ZNF282: variants seen among roughly 807,000 people sequenced by gnomAD.
ZNF282 encodes zinc finger protein 282, also known as HTLV-I U5 repressive element-binding protein 1.
ZNF282 carries 30 observed loss-of-function variants against 61.9 expected under a neutral mutation model. The ratio of observed to expected loss-of-function variants is 0.48; its 90% CI spans 0.36 to 0.66. The LOEUF (loss-of-function observed/expected upper bound fraction) is 0.66, where lower values mean the gene tolerates loss of function less well. Among genes scored for constraint, ZNF282 ranks in the 30% least tolerant of loss-of-function variants. ZNF282 has a pLI of 0.00. For missense variants in ZNF282, 788 were observed against 941.4 expected (o/e 0.84, Z 2.13); for synonymous variants, 396 against 405.0 (o/e 0.98, Z 0.27).
chr7:149,219,865 C>T (rs1367334186), intron 7 of ZNF282, among the ~76,000 whole-genome samples: 4 of 151,726 alleles, frequency 2.6e-5, no homozygotes, highest in African/African-American at 9.7e-5. Flanking sequence ...AAAAGTTTTT[C>T]AGTGGAATGG....
In ZNF282 at chr7:149,207,418, G is replaced by A; in HGVS notation, c.780G>A (p.Val260=). The change falls in exon 4 of 8, where the codon GTG becomes GTA. Residue 260 remains valine, a synonymous_variant. Transcript: ENST00000610704. ...CTGAGCCCAGGGAAGAACCTTGTGT[G>A]TGGGAGCAGCGCCACCCCGAAGAGA... ...VQAEPREEPC[V]WEQRHPEERE... 6.4e-7 allele frequency: 1 copy of A among 1,573,068 alleles called. No homozygotes were observed. The highest frequency in any genetic ancestry group is 8.6e-7 in the Non-Finnish European group (1 of 1,157,770).
At chr7:149,199,142 AC>A (rs1795870113) in intron 2 of ZNF282, among the ~76,000 whole-genome samples, 1 of 152,076 alleles carries the variant, frequency 6.6e-6, no homozygotes, top group East Asian at 1.9e-4. Flanking sequence ...CGCACCTCAA[AC>A]CAGGCTGCCT....
intron 2 of ZNF282, among the ~76,000 whole-genome samples, chr7:149,204,813 CAG>C (rs1795967875): frequency 6.6e-6 from 1 of 152,110 alleles, no homozygotes; most frequent in Non-Finnish European, 1.5e-5. Flanking sequence ...GTTCTAGTAA[CAG>C]AGAATTAAAA....
At position 149,223,928 on chromosome 7, in the gene ZNF282, A is replaced by C. The variant is rs1796307898; in HGVS notation, c.1297A>C (p.Ile433Leu). Residue 433 changes from isoleucine to leucine, a missense_variant, in exon 8 of 8, where the codon ATC becomes CTC. Physicochemically the swap from Ile to Leu is conservative, Grantham distance 5 (BLOSUM62 2). Around this residue, in one of 3 missense-constraint regions of ZNF282, gnomAD observed 559 missense variants for 642.0 expected, o/e 0.87. Transcript: ENST00000610704. ...SQPQPQSLPPIAVAENPGGPP... is the reference protein window; with the variant it reads ...SQPQPQSLPPLAVAENPGGPP... ...GCCCCAGCCCCAGAGCCTGCCCCCC[A>C]TCGCGGTGGCCGAGAACCCGGGCGG... 6.0e-6 allele frequency: 8 copies of C among 1,322,462 alleles called. No homozygotes were observed. The highest frequency in any genetic ancestry group is 4.0e-5 in the Admixed American group (1 of 25,170). 81.9% of individuals were successfully genotyped at this position (1,322,462 alleles called of 1,614,324 possible).
rs911772364 is a variant in ZNF282, at chr7:149,212,619, T to C, written c.1066+148T>C. Reference sequence around the variant, plus strand: ...TCTTTGAGACGGAGTCTTGCTCTGTTGTTCAGGCTGGAGTGCAGTGGTGTG... The same window carrying C: ...TCTTTGAGACGGAGTCTTGCTCTGTCGTTCAGGCTGGAGTGCAGTGGTGTG... On this transcript the variant is annotated intron_variant, in intron 6 of 7. Coordinates refer to ENST00000610704, the MANE Select transcript of ZNF282 (RefSeq NM_003575.4). 5 of 654,958 alleles carry C rather than the reference T, an allele frequency of 7.6e-6. No homozygotes were observed. The African/African-American group carries it at 9.2e-5, about 12-fold the overall frequency. 40.6% of individuals were successfully genotyped at this position (654,958 alleles called of 1,614,324 possible).
intron 1 of ZNF282, among the ~76,000 whole-genome samples, chr7:149,196,118 TCGCGGGCAGTGCTTC>T (rs1795812814): frequency 2.6e-5 from 4 of 152,078 alleles, no homozygotes; most frequent in Admixed American, 2.6e-4. Context: ...GCGGAGAGCT[TCGCGGGCAGTGCTTC>T]CGCCCGGCCG....
Position 149,224,764 on chromosome 7 carries a change from C to T in ZNF282, c.*117C>T, listed in dbSNP as rs1302749389. 2.8e-6 allele frequency: 4 copies of T among 1,417,460 alleles called. No individual in the cohort carries two copies. Among genetic ancestry groups the T allele is most frequent in the Non-Finnish European group, 2.8e-6 (3 of 1,084,150 alleles). 87.8% of individuals were successfully genotyped at this position (1,417,460 alleles called of 1,614,324 possible). Reference sequence around the variant, plus strand: ...GAAATCGGCAACAGGCATTGCACTCCGGTTGGGGGTCCCCCAGGGTGGGGC... The same window carrying T: ...GAAATCGGCAACAGGCATTGCACTCTGGTTGGGGGTCCCCCAGGGTGGGGC... On this transcript the variant is annotated 3_prime_UTR_variant, in exon 8 of 8. Coordinates refer to ENST00000610704, the MANE Select transcript of ZNF282 (RefSeq NM_003575.4).
In ZNF282 at chr7:149,223,881, C is replaced by CGCAGCCGCAGCT. The variant is rs1237578920; in HGVS notation, c.1255_1266dup (p.Pro419_Gln422dup). The CGCAGCCGCAGCT allele has an allele frequency of 1.1e-5, 16 of 1,434,418 alleles. No individual in the cohort carries two copies. Among genetic ancestry groups the CGCAGCCGCAGCT allele is most frequent in the Non-Finnish European group, 1.5e-5 (16 of 1,099,338 alleles). The allele number at this position is 1,434,418 out of a possible 1,614,324, so 88.9% of individuals were successfully genotyped here. Reference sequence around the variant, plus strand: ...CAGCCCCAGCCCCAGCCCCAGCCACCGCAGCCGCAGCTGCAGTCGCAGCCC... The same window carrying CGCAGCCGCAGCT: ...CAGCCCCAGCCCCAGCCCCAGCCACCGCAGCCGCAGCTGCAGCCGCAGCTGCAGTCGCAGCCC... On this transcript the variant is annotated inframe_insertion, in exon 8 of 8. Coordinates refer to ENST00000610704, the MANE Select transcript of ZNF282 (RefSeq NM_003575.4).
At chr7:149,207,694 T>C (rs1252151829) in intron 4 of ZNF282, among the ~76,000 whole-genome samples, 1 of 152,176 alleles carries the variant, frequency 6.6e-6, no homozygotes, top group African/African-American at 2.4e-5. Context: ...TGTGGTTTGT[T>C]AAAGCCGCGT....
At chr7:149,217,421 A>C (rs1796174325) in intron 7 of ZNF282, among the ~76,000 whole-genome samples, 1 of 152,174 alleles carries the variant, frequency 6.6e-6, no homozygotes, top group Non-Finnish European at 1.5e-5. Flanking sequence ...ACAACTAGCC[A>C]GGAGTGGTGG....
At chr7:149,220,928 T>TG (rs66494857) in intron 7 of ZNF282, among the ~76,000 whole-genome samples, 69,566 of 135,200 alleles carry the variant, frequency 0.51, 19,604 homozygotes, top group East Asian at 0.86. Context: ...TTTTTTTTTT[T>TG]TTTTTTTTTG....
At chr7:149,199,916 T>A (rs1208565998) in intron 2 of ZNF282, among the ~76,000 whole-genome samples, 1 of 152,180 alleles carries the variant, frequency 6.6e-6, no homozygotes, top group Non-Finnish European at 1.5e-5. Context: ...AATCTCAATG[T>A]TATTACCACC....
At chr7:149,208,182 C>G (rs578083239) in intron 4 of ZNF282, among the ~76,000 whole-genome samples, 2 of 152,100 alleles carry the variant, frequency 1.3e-5, no homozygotes, top group South Asian at 4.1e-4. Context: ...TCTGTCCTCC[C>G]TTGTTTTTTT....
rs1191063772 is a variant in ZNF282, at chr7:149,224,679, A to C, written c.*32A>C. 6.8e-7 allele frequency: 1 copy of C among 1,466,918 alleles called. No individual in the cohort carries two copies. The highest frequency in any genetic ancestry group is 1.4e-5 in the African/African-American group (1 of 71,180). The allele number at this position is 1,466,918 out of a possible 1,614,324, so 90.9% of individuals were successfully genotyped here. On this transcript the variant is annotated 3_prime_UTR_variant, in exon 8 of 8. Coordinates refer to ENST00000610704, the MANE Select transcript of ZNF282 (RefSeq NM_003575.4). ...GCTGGGGGAGGGCAGGGCCGGACGGAGTGGATCGGGGGCGGCCTGAGCACC... is the reference window on the plus strand; with the variant it reads ...GCTGGGGGAGGGCAGGGCCGGACGGCGTGGATCGGGGGCGGCCTGAGCACC...
chr7:149,206,670 G>A (rs752990948), intron 2 of ZNF282, 26 bp from the exon 3 acceptor site: 11 of 1,613,922 alleles, frequency 6.8e-6, no homozygotes, highest in Admixed American at 5.0e-5. Context: ...GGCAGGAGGC[G>A]CTAGATTAAC....
chr7:149,199,293 C>T (rs758573881), intron 2 of ZNF282, among the ~76,000 whole-genome samples: 2 of 152,170 alleles, frequency 1.3e-5, no homozygotes, highest in African/African-American at 4.8e-5. Context: ...ACTGAGAGAA[C>T]GGAGTCACCC....
At chr7:149,203,100 G>A (rs1795939151) in intron 2 of ZNF282, among the ~76,000 whole-genome samples, 1 of 152,196 alleles carries the variant, frequency 6.6e-6, no homozygotes, top group African/African-American at 2.4e-5. Context: ...CAGCCACAGA[G>A]GCTGGTTTTT....
chr7:149,218,932 T>C (rs947555484), intron 7 of ZNF282, among the ~76,000 whole-genome samples: 1 of 152,198 alleles, frequency 6.6e-6, no homozygotes. Flanking sequence ...GTTCCCTCCC[T>C]GTGGAGTCAG....
chr7:149,206,560 G>T (rs977542752), intron 2 of ZNF282, 136 bp from the exon 3 acceptor site: 2 of 1,253,590 alleles, frequency 1.6e-6, no homozygotes, highest in South Asian at 1.4e-5. Flanking sequence ...CCACTGAGAT[G>T]GACAGTGGGG....
Sources: allele counts gnomAD v4.1 joint callset (sites outside exome capture counted in the v4.1 genomes callset), GRCh38; gene constraint gnomAD v4.1.1; regional missense constraint gnomAD v4.1.1; transcripts MANE v1.5; gene names NCBI Gene and HGNC (gene_info 2026-07-23, HGNC 2026-07-21).